PHTF1: variants seen among roughly 807,000 people sequenced by gnomAD.
PHTF1 encodes the protein protein PHTF1.
A neutral mutation model predicts 102.4 loss-of-function variants in PHTF1; 88 were observed. The observed-to-expected ratio is 0.86, with a 90% CI of 0.72 to 1.03. PHTF1 has a LOEUF of 1.03. Among genes scored for constraint, PHTF1 ranks in the 50% least tolerant of loss-of-function variants. The probability of loss-of-function intolerance (pLI) is 0.00; values close to 1 mark genes in which losing one functional copy is unlikely to be tolerated. For synonymous variants in PHTF1, 289 were observed against 305.2 expected (o/e 0.95, Z 0.55); for missense variants, 814 against 909.5 (o/e 0.89, Z 1.35).
In PHTF1 at chr1:113,700,926, G is replaced by GA; in HGVS notation, c.1913dup (p.Leu639ProfsTer3). 1 of 1,610,978 alleles carries GA rather than the reference G, an allele frequency of 6.2e-7. No individual in the cohort carries two copies. Among genetic ancestry groups the GA allele is most frequent in the Non-Finnish European group, 8.5e-7 (1 of 1,179,038 alleles). ...ACTCCCAGTTATAAGCATCATTCAG[G>GA]AAAGTTTTATGTCCTTGGAGAACCT... On this transcript the variant is annotated frameshift_variant, in exon 16 of 19. Coordinates refer to ENST00000369604, the MANE Select transcript of PHTF1 (RefSeq NM_001323043.2). LOFTEE classifies it high-confidence loss of function.
chr1:113,725,985 A>T (rs933707991), intron 6 of PHTF1: 1 of 157,226 alleles, frequency 6.4e-6, no homozygotes, highest in African/African-American at 2.4e-5. Context: ...AAAAAAAAAA[A>T]GTTTAGACCA....
At chr1:113,722,234 G>A (rs889247286) in intron 7 of PHTF1, among the ~76,000 whole-genome samples, 14 of 151,710 alleles carry the variant, frequency 9.2e-5, no homozygotes, top group African/African-American at 2.7e-4. Flanking sequence ...GGCGGATCAC[G>A]AGGTCAGGAG....
Position 113,724,911 on chromosome 1 carries a change from A to G in PHTF1, c.489-18T>C. ...GTAATTTTCTACAAAAAAAAATTTC[A>G]ATAACTTCAGATTATTCAAGACCCT... On this transcript the variant is annotated intron_variant, in intron 6 of 18. Coordinates refer to ENST00000369604, the MANE Select transcript of PHTF1 (RefSeq NM_001323043.2). 2.5e-6 allele frequency: 4 copies of G among 1,574,510 alleles called. No individual in the cohort carries two copies. Among genetic ancestry groups the G allele is most frequent in the Non-Finnish European group, 3.5e-6 (4 of 1,158,766 alleles).
At chr1:113,699,543 C>T in intron 17 of PHTF1, 161 bp downstream of exon 17, 1 of 665,048 alleles carries the variant, frequency 1.5e-6, no homozygotes, top group Admixed American at 2.3e-5. Context: ...CAGCTCTGGT[C>T]CTAACCACCA....
At chr1:113,705,858 A>G (rs1212972549) in intron 13 of PHTF1, 32 bp downstream of exon 13, 3 of 1,571,984 alleles carry the variant, frequency 1.9e-6, no homozygotes, top group Non-Finnish European at 2.6e-6. Context: ...ATACAAAAAC[A>G]GGTAAAAAAT....
In PHTF1 at chr1:113,724,830, T is replaced by A. The variant is rs749443067; in HGVS notation, c.552A>T (p.Lys184Asn). Residue 184 changes from lysine (K) to asparagine (N), a missense_variant, in exon 7 of 19, where the codon AAA (lysine) becomes AAT (asparagine). Transcript: ENST00000369604. ...ATTCCAAAGTTTCTATTCCTCTGAC[T>A]TTATCAGAGGAGTTATTTCCATTTT... ...SRENGNNSSD[K>N]VRGIETLESV... 1 of 1,605,300 alleles carries A rather than the reference T, an allele frequency of 6.2e-7. No homozygotes were observed. Among genetic ancestry groups the A allele is most frequent in the East Asian group, 2.2e-5 (1 of 44,784 alleles).
intron 8 of PHTF1, among the ~76,000 whole-genome samples, chr1:113,712,720 AC>A (rs1225654567): frequency 6.6e-6 from 1 of 151,550 alleles, no homozygotes; most frequent in Non-Finnish European, 1.5e-5. Context: ...ATGACCCAGC[AC>A]CCTCTTCACT....
chr1:113,738,275 AC>A lies in PHTF1; in HGVS notation c.173-8del. On this transcript the variant is annotated splice_region_variant and splice_polypyrimidine_tract_variant and intron_variant, in intron 4 of 18. Coordinates refer to ENST00000369604, the MANE Select transcript of PHTF1 (RefSeq NM_001323043.2). ...GCTTTGGCAAATGTTGACCCTTTAAACATACAATAAAACAAAACATCAAACA... is the reference window on the plus strand; with the variant it reads ...GCTTTGGCAAATGTTGACCCTTTAAAATACAATAAAACAAAACATCAAACA... 1 of 1,611,122 alleles carries A rather than the reference AC, an allele frequency of 6.2e-7. No homozygotes were observed. The highest frequency in any genetic ancestry group is 8.5e-7 in the Non-Finnish European group (1 of 1,178,082).
At chr1:113,745,491 A>G (rs962477941) in intron 3 of PHTF1, among the ~76,000 whole-genome samples, 14 of 152,174 alleles carry the variant, frequency 9.2e-5, no homozygotes, top group African/African-American at 3.4e-4. Flanking sequence ...GGACTATATC[A>G]GGGGTCTCCA....
At chr1:113,739,063 G>A (rs1457899743) in intron 3 of PHTF1, among the ~76,000 whole-genome samples, 1 of 152,026 alleles carries the variant, frequency 6.6e-6, no homozygotes, top group African/African-American at 2.4e-5. Context: ...ATGTTGGCCA[G>A]GCTGGTCTCA....
chr1:113,746,493 C>T (rs569608212), intron 3 of PHTF1, among the ~76,000 whole-genome samples: 19 of 152,234 alleles, frequency 1.2e-4, no homozygotes, highest in African/African-American at 4.6e-4. Flanking sequence ...TAAGTGCAGC[C>T]ATATAATCTT....
intron 10 of PHTF1, 38 bp downstream of exon 10, chr1:113,711,708 T>G (rs759146892): frequency 6.7e-7 from 1 of 1,488,570 alleles, no homozygotes; most frequent in Middle Eastern, 1.7e-4. Flanking sequence ...GTTATTACCC[T>G]CAAAAATATA....
At chr1:113,746,471 C>T (rs1411849318) in intron 3 of PHTF1, among the ~76,000 whole-genome samples, 2 of 152,186 alleles carry the variant, frequency 1.3e-5, no homozygotes, top group Non-Finnish European at 1.5e-5. Flanking sequence ...GGCACTGCAA[C>T]TCACATGACA....
At chr1:113,708,699 A>C (rs1002628678) in intron 11 of PHTF1, among the ~76,000 whole-genome samples, 1 of 152,170 alleles carries the variant, frequency 6.6e-6, no homozygotes, top group African/African-American at 2.4e-5. Context: ...GGTATTAAGA[A>C]ATACAGGGAA....
Position 113,711,998 on chromosome 1 carries a change from T to C in PHTF1, c.899A>G (p.Asp300Gly). The stretch of plus-strand genomic sequence containing the variant: ...TCTATTCTTAACTTCACAACCATTG[T>C]CACTTGAGGCCCCTTCCACACTCCT... Reference protein sequence around the residue: ...LRRSVEGASSDNGCEVKNRKS... With the variant: ...LRRSVEGASSGNGCEVKNRKS... Residue 300 changes from aspartate to glycine, a missense_variant, in exon 9 of 19, where the codon GAC becomes GGC. Asp to Gly is a moderately conservative substitution (Grantham distance 94). Coordinates refer to ENST00000369604, the MANE Select transcript of PHTF1 (RefSeq NM_001323043.2). The C allele has an allele frequency of 1.2e-6, 2 of 1,614,078 alleles. No individual in the cohort carries two copies. Among genetic ancestry groups the C allele is most frequent in the Admixed American group, 1.7e-5 (1 of 60,024 alleles).
In PHTF1 at chr1:113,706,586, A is replaced by G; in HGVS notation, c.1398+8T>C. On this transcript the variant is annotated splice_region_variant and intron_variant, in intron 12 of 18. Transcript: ENST00000369604. ...TTTTGAAAAATCTGAAAACATATTC[A>G]GTCTTACCCTGCTCATGATGATGCC... 2.6e-6 allele frequency: 4 copies of G among 1,567,004 alleles called. No individual in the cohort carries two copies. Among genetic ancestry groups the G allele is most frequent in the Non-Finnish European group, 3.4e-6 (4 of 1,164,664 alleles).
chr1:113,698,654 CACACAT>C (rs1557899704), intron 17 of PHTF1, among the ~76,000 whole-genome samples: 93 of 147,720 alleles, frequency 6.3e-4, no homozygotes, highest in African/African-American at 2.2e-3. Flanking sequence ...CACACACACA[CACACAT>C]ACACACATAT....
intron 7 of PHTF1, among the ~76,000 whole-genome samples, chr1:113,716,447 C>G (rs1230645): frequency 6.0e-5 from 9 of 150,400 alleles, no homozygotes; most frequent in African/African-American, 2.2e-4. Context: ...TGGGCTCAGG[C>G]GATCTTCTTG....
rs60517410 is a variant in PHTF1, at chr1:113,715,648, C to CAAAAAAAAAAAAAAAAAAA, written c.624-2229_624-2211dup. ...GAGCAATGACAGTGAAACCCTGTCT[C>CAAAAAAAAAAAAAAAAAAA]AAAAAAAAAAAAAAAAAAAAAAAAA... On this transcript the variant is annotated intron_variant, in intron 7 of 18. Transcript: ENST00000369604. 3.2e-4 allele frequency among the ~76,000 whole-genome samples: 8 copies of CAAAAAAAAAAAAAAAAAAA among 24,978 alleles called. 2 individuals are homozygous for CAAAAAAAAAAAAAAAAAAA. Among genetic ancestry groups the CAAAAAAAAAAAAAAAAAAA allele is most frequent in the Non-Finnish European group, 5.5e-4 (7 of 12,690 alleles). The allele number at this position is 24,978 out of a possible 152,430, so 16.4% of individuals were successfully genotyped here.
Sources: allele counts gnomAD v4.1 joint callset (sites outside exome capture counted in the v4.1 genomes callset), GRCh38; gene constraint gnomAD v4.1.1; transcripts MANE v1.5; gene names NCBI Gene and HGNC (gene_info 2026-07-23, HGNC 2026-07-21).